The following VAMP4 variants were observed in gnomAD, a reference collection of about 807,000 sequenced individuals.
VAMP4 encodes the protein vesicle-associated membrane protein 4.
Under a neutral mutation model 23.5 loss-of-function variants are expected in VAMP4, and 19 were observed. The ratio of observed to expected loss-of-function variants is 0.81; its 90% CI spans 0.56 to 1.19. The LOEUF is 1.19. Ranked by LOEUF, VAMP4 falls within the 50% of genes most tolerant of loss-of-function variation. VAMP4 has a pLI of 0.00. For synonymous variants in VAMP4, 31 were observed against 51.0 expected, an observed-to-expected ratio of 0.61 and a Z score of 1.67; for missense variants, 145 against 168.6, an observed-to-expected ratio of 0.86 and a Z score of 0.78.
intron 3 of VAMP4, among the ~76,000 whole-genome samples, chr1:171,723,172 T>C (rs1382956778): frequency 1.3e-5 from 2 of 152,136 alleles, no homozygotes; most frequent in Non-Finnish European, 2.9e-5. Context: ...GATCACATGC[T>C]TCACAAGGCA....
intron 2 of VAMP4, among the ~76,000 whole-genome samples, chr1:171,731,472 T>A (rs1655566188): frequency 6.6e-6 from 1 of 151,522 alleles, no homozygotes; most frequent in African/African-American, 2.4e-5. Flanking sequence ...ATTAAAACAG[T>A]GATGGGACAG....
rs1017805867 is a variant in VAMP4, at chr1:171,700,313, C to T, written c.*4193G>A. The stretch of plus-strand genomic sequence containing the variant: ...TAGGGAACAGGGCACATGACATTTA[C>T]ATTTGCTCATCTCCCACTATACATT... On this transcript the variant is annotated 3_prime_UTR_variant, in exon 8 of 8. Transcript: ENST00000236192. 1 of 152,178 alleles carries T rather than the reference C, an allele frequency of 6.6e-6. No homozygotes were observed. Among genetic ancestry groups the T allele is most frequent in the Non-Finnish European group, 1.5e-5 (1 of 68,038 alleles). The allele number at this position is 152,178 out of a possible 1,614,324, so 9.4% of individuals were successfully genotyped here.
intron 2 of VAMP4, among the ~76,000 whole-genome samples, chr1:171,737,656 A>C (rs1208938619): frequency 3.3e-5 from 5 of 152,242 alleles, no homozygotes; most frequent in Non-Finnish European, 7.3e-5. Flanking sequence ...AACTAAATAT[A>C]GACTTCACTG....
intron 3 of VAMP4, among the ~76,000 whole-genome samples, chr1:171,726,065 T>G (rs76820575): frequency 0.13 from 19,331 of 150,642 alleles, 1,322 homozygotes; most frequent in Middle Eastern, 0.26. Flanking sequence ...CATTTTTTTT[T>G]GGGGGGGGCG....
chr1:171,739,778 A>G (rs1222856991), intron 1 of VAMP4, among the ~76,000 whole-genome samples: 3 of 152,156 alleles, frequency 2.0e-5, no homozygotes, highest in Non-Finnish European at 4.4e-5. Context: ...GAGAAACTCA[A>G]TTTTTTTCTA....
intron 3 of VAMP4, among the ~76,000 whole-genome samples, chr1:171,726,868 GGTTAA>G (rs1002953589): frequency 2.0e-5 from 3 of 151,914 alleles, no homozygotes; most frequent in African/African-American, 7.3e-5. Flanking sequence ...AAAATGAAAG[GGTTAA>G]GTTATAGATT....
At chr1:171,715,878 G>C (rs541758267) in intron 4 of VAMP4, among the ~76,000 whole-genome samples, 1 of 152,178 alleles carries the variant, frequency 6.6e-6, no homozygotes, top group South Asian at 2.1e-4. Flanking sequence ...GCACGTGCCT[G>C]AAGTTTCCAG....
intron 3 of VAMP4, among the ~76,000 whole-genome samples, chr1:171,726,061 T>G (rs955742957): frequency 2.0e-5 from 3 of 151,662 alleles, no homozygotes; most frequent in African/African-American, 2.4e-5. Context: ...GTCACATTTT[T>G]TTTTGGGGGG....
intron 2 of VAMP4, among the ~76,000 whole-genome samples, chr1:171,732,047 C>A (rs779348944): frequency 5.3e-5 from 8 of 152,048 alleles, no homozygotes; most frequent in African/African-American, 1.9e-4. Flanking sequence ...ATTTAACATA[C>A]CCTTCAGAGA....
At chr1:171,735,070 G>C (rs939343762) in intron 2 of VAMP4, among the ~76,000 whole-genome samples, 1 of 151,936 alleles carries the variant, frequency 6.6e-6, no homozygotes, top group African/African-American at 2.4e-5. Flanking sequence ...ATTTTCTCAG[G>C]ATTATGACCA....
chr1:171,706,280 T>TTG, intron 7 of VAMP4, 87 bp downstream of exon 7: 2 of 1,286,766 alleles, frequency 1.6e-6, no homozygotes, highest in Non-Finnish European at 1.1e-6. Context: ...ACTTCAGACA[T>TTG]ACTAGGTCAA....
intron 1 of VAMP4, among the ~76,000 whole-genome samples, chr1:171,740,245 C>T (rs1372174780): frequency 6.6e-6 from 1 of 152,212 alleles, no homozygotes; most frequent in Non-Finnish European, 1.5e-5. Flanking sequence ...ATCAGGTTTA[C>T]AGAATTCTGT....
chr1:171,714,690 C>A (rs576353074), intron 4 of VAMP4, among the ~76,000 whole-genome samples: 1 of 152,238 alleles, frequency 6.6e-6, no homozygotes, highest in African/African-American at 2.4e-5. Flanking sequence ...GAGGATCCTC[C>A]TCCGGGAGGT....
chr1:171,710,222 A>G (rs895575531), intron 5 of VAMP4, among the ~76,000 whole-genome samples: 1 of 142,208 alleles, frequency 7.0e-6, no homozygotes, highest in African/African-American at 2.7e-5. Flanking sequence ...TCAAAGATTA[A>G]TCAGGTATTC....
intron 6 of VAMP4, among the ~76,000 whole-genome samples, chr1:171,706,706 G>A (rs754666451): frequency 1.3e-5 from 2 of 152,148 alleles, no homozygotes; most frequent in Non-Finnish European, 2.9e-5. Context: ...GCTATAAACT[G>A]CTACCTTCGA....
chr1:171,710,729 G>A lies in VAMP4; in HGVS notation c.250C>T (p.Leu84=), dbSNP rs780097798. The A allele has an allele frequency of 2.5e-6, 4 of 1,605,246 alleles. No individual in the cohort carries two copies. In the Admixed American group the frequency reaches 6.8e-5, roughly 27 times the overall value. The change falls in exon 5 of 8, where the codon CTA becomes TTA. Residue 84 remains leucine (L), a synonymous_variant. Transcript: ENST00000236192. ...VIERGERLDE[L]QDKSESLSDN... is the part of the protein sequence containing the mutation. The stretch of plus-strand genomic sequence containing the variant: ...AGATCTGTACCTGATTTGTCCTGTA[G>A]TTCATCTAGTCTCTCCCCTCTCTCA...
At chr1:171,706,979 GCTTTA>G (rs1654677648) in intron 6 of VAMP4, among the ~76,000 whole-genome samples, 1 of 152,016 alleles carries the variant, frequency 6.6e-6, no homozygotes, top group Admixed American at 6.6e-5. Context: ...CGTGTGTTTG[GCTTTA>G]CTTAAGAAGA....
At chr1:171,706,793 G>A (rs1453295857) in intron 6 of VAMP4, among the ~76,000 whole-genome samples, 1 of 152,084 alleles carries the variant, frequency 6.6e-6, no homozygotes, top group Non-Finnish European at 1.5e-5. Flanking sequence ...CTAAAATACT[G>A]TACATTTTCT....
chr1:171,741,935 A>AGC lies in VAMP4; in HGVS notation c.-77_-76dup, dbSNP rs1558118171. The AGC allele has an allele frequency of 6.6e-6, 1 of 152,278 alleles. No individual in the cohort carries two copies. The highest frequency in any genetic ancestry group is 1.5e-5 in the Non-Finnish European group (1 of 68,116). 9.4% of individuals were successfully genotyped at this position (152,278 alleles called of 1,614,324 possible). A position where few individuals can be genotyped will look rare whatever the true frequency, so the allele number is the denominator to read the frequency against. ...CTGAGGCTCCCGGGGAACTCCCGGC[A>AGC]GCTCTCCCGGGCTGGCGGTGCTGGG... On this transcript the variant is annotated 5_prime_UTR_variant, in exon 1 of 8. An upstream open reading frame in the 5' UTR loses its in-frame stop. Transcript: ENST00000236192.
Sources: allele counts gnomAD v4.1 joint callset (sites outside exome capture counted in the v4.1 genomes callset), GRCh38; gene constraint gnomAD v4.1.1; transcripts MANE v1.5; gene names NCBI Gene and HGNC (gene_info 2026-07-23, HGNC 2026-07-21).